PACRG: variants seen among roughly 807,000 people sequenced by gnomAD.
PACRG encodes the protein parkin coregulated.
Under a neutral mutation model 29.7 loss-of-function variants are expected in PACRG, and 29 were observed. The ratio of observed to expected loss-of-function variants is 0.98; its 90% CI spans 0.73 to 1.33. The LOEUF is 1.33. PACRG is among the 40% of genes most tolerant of loss of function. The pLI is 0.00. For missense variants in PACRG, 279 were observed against 316.2 expected, an observed-to-expected ratio of 0.88 and a Z score of 0.89; for synonymous variants, 116 against 118.7, an observed-to-expected ratio of 0.98 and a Z score of 0.15.
At chr6:162,906,079 C>A (rs772536181) in intron 2 of PACRG, among the ~76,000 whole-genome samples, 1 of 152,020 alleles carries the variant, frequency 6.6e-6, no homozygotes, top group Admixed American at 6.6e-5. Flanking sequence ...ATTCCAACTG[C>A]GGCAAGGTTT....
At chr6:163,195,204 G>A (rs1224930588) in intron 4 of PACRG, among the ~76,000 whole-genome samples, 1 of 152,222 alleles carries the variant, frequency 6.6e-6, no homozygotes, top group Non-Finnish European at 1.5e-5. Context: ...TCTCAGCCAC[G>A]CTTTGATGAT....
At chr6:162,910,869 CA>C (rs946294453) in intron 2 of PACRG, among the ~76,000 whole-genome samples, 1 of 152,162 alleles carries the variant, frequency 6.6e-6, no homozygotes, top group African/African-American at 2.4e-5. Context: ...AAAAATGAAT[CA>C]AACCAAAAGT....
chr6:162,941,561 G>C (rs1376229581), intron 2 of PACRG, among the ~76,000 whole-genome samples: 1 of 152,144 alleles, frequency 6.6e-6, no homozygotes, highest in Non-Finnish European at 1.5e-5. Flanking sequence ...CTGGCAGGAG[G>C]AGTTTCTGGG....
intron 2 of PACRG, among the ~76,000 whole-genome samples, chr6:162,827,788 ACCT>A (rs1366083773): frequency 6.6e-6 from 1 of 150,882 alleles, no homozygotes; most frequent in African/African-American, 2.4e-5. Context: ...CTCCATATCC[ACCT>A]CCTCTGCTCA....
intron 3 of PACRG, among the ~76,000 whole-genome samples, chr6:163,077,871 A>G (rs1426894697): frequency 1.3e-5 from 2 of 152,160 alleles, no homozygotes; most frequent in Non-Finnish European, 2.9e-5. Context: ...CCCTGTATGA[A>G]CAGGGGAATG....
chr6:162,810,994 TA>T (rs1786815278), intron 1 of PACRG, among the ~76,000 whole-genome samples: 1 of 152,142 alleles, frequency 6.6e-6, no homozygotes. Context: ...AGGCACATCG[TA>T]ATTAAACTTC....
At chr6:162,823,303 CTACT>C (rs1787994721) in intron 2 of PACRG, among the ~76,000 whole-genome samples, 2 of 151,952 alleles carry the variant, frequency 1.3e-5, no homozygotes, top group South Asian at 4.2e-4. Flanking sequence ...AGCTTATTGT[CTACT>C]TACTTGAAAC....
chr6:162,964,202 C>T (rs1233573594), intron 2 of PACRG, among the ~76,000 whole-genome samples: 1 of 152,082 alleles, frequency 6.6e-6, no homozygotes, highest in African/African-American at 2.4e-5. Context: ...CTGCCATTTA[C>T]AAACTAGATA....
chr6:162,761,617 G>A (rs988891235), intron 1 of PACRG, among the ~76,000 whole-genome samples: 6 of 152,104 alleles, frequency 3.9e-5, no homozygotes, highest in Non-Finnish European at 8.8e-5. Context: ...ACTTGCTGAA[G>A]ATAAAACACC....
intron 2 of PACRG, among the ~76,000 whole-genome samples, chr6:162,939,300 C>A (rs1430402938): frequency 6.6e-6 from 1 of 152,066 alleles, no homozygotes. Flanking sequence ...CTATAAAAAA[C>A]CTAGAAGATA....
intron 4 of PACRG, among the ~76,000 whole-genome samples, chr6:163,137,778 C>T (rs905854294): frequency 1.3e-5 from 2 of 152,260 alleles, no homozygotes; most frequent in South Asian, 4.1e-4. Flanking sequence ...GAAACTGCTC[C>T]GGGATACTCC....
At position 162,814,993 on chromosome 6, in the gene PACRG, G is replaced by C. The variant is rs182712841; in HGVS notation, c.291+712G>C. Among the ~76,000 whole-genome samples the C allele has an allele frequency of 2.2e-4, 34 of 152,314 alleles. 1 individual carries two copies. The East Asian group carries it at 5.8e-3, about 26-fold the overall frequency. On this transcript the variant is annotated intron_variant, in intron 2 of 4. Transcript: ENST00000366888. ...CTTGCCAATCTCTTAACCGGAGAAGGCTTTTACATTTAATCTGAGAAAAAT... is the reference window on the plus strand; with the variant it reads ...CTTGCCAATCTCTTAACCGGAGAAGCCTTTTACATTTAATCTGAGAAAAAT...
At chr6:163,173,746 A>G (rs952323638) in intron 4 of PACRG, among the ~76,000 whole-genome samples, 2 of 152,174 alleles carry the variant, frequency 1.3e-5, no homozygotes, top group Non-Finnish European at 2.9e-5. Flanking sequence ...GGGCACCTCA[A>G]TGGGTGTCTG....
At chr6:163,101,159 C>G in intron 4 of PACRG, 1 of 983,950 alleles carries the variant, frequency 1.0e-6, no homozygotes, top group Non-Finnish European at 1.2e-6. Context: ...TCTGCCCCCG[C>G]CCCCCAAAAA....
Position 163,166,552 on chromosome 6 carries a change from G to A in PACRG, c.613+77144G>A, listed in dbSNP as rs886614395. Among the ~76,000 whole-genome samples, 6 of 152,288 alleles carry A rather than the reference G, an allele frequency of 3.9e-5. No individual in the cohort carries two copies. In the South Asian group the frequency reaches 6.2e-4, roughly 16 times the overall value. Reference sequence around the variant, plus strand: ...AAAAGATTTGAATTTGCTCTTAAGCGTCTAATGGATCCCACTTAATAGTGA... The same window carrying A: ...AAAAGATTTGAATTTGCTCTTAAGCATCTAATGGATCCCACTTAATAGTGA... On this transcript the variant is annotated intron_variant, in intron 4 of 4. Coordinates refer to ENST00000366888, the MANE Select transcript of PACRG (RefSeq NM_001080379.2).
At chr6:162,888,099 G>T (rs6937365) in intron 2 of PACRG, among the ~76,000 whole-genome samples, 25,462 of 151,724 alleles carry the variant, frequency 0.17, 2,593 homozygotes, top group East Asian at 0.35. Flanking sequence ...AGCATGGGCT[G>T]CGGGGTCTCG....
intron 1 of PACRG, among the ~76,000 whole-genome samples, chr6:162,773,669 C>A (rs531063936): frequency 5.9e-5 from 9 of 151,484 alleles, no homozygotes; most frequent in African/African-American, 1.9e-4. Context: ...CGCCCGCCAC[C>A]GCGCCCGGCT....
At chr6:163,199,770 A>G (rs905427265) in intron 4 of PACRG, among the ~76,000 whole-genome samples, 2 of 152,194 alleles carry the variant, frequency 1.3e-5, no homozygotes, top group Non-Finnish European at 1.5e-5. Flanking sequence ...ACTTAGCCCC[A>G]GAGGCAACCA....
chr6:162,801,747 T>C (rs1785895343), intron 1 of PACRG, among the ~76,000 whole-genome samples: 1 of 152,162 alleles, frequency 6.6e-6, no homozygotes, highest in East Asian at 1.9e-4. Flanking sequence ...CTAGAAAGTG[T>C]ATTGATCTCA....
Sources: gnomAD v4.1 joint callset for allele counts (sites outside exome capture counted in the v4.1 genomes callset) on GRCh38, gnomAD v4.1.1 for gene constraint, MANE v1.5 for transcripts, NCBI Gene and HGNC (gene_info 2026-07-23, HGNC 2026-07-21) for gene names.